SLC4A7: variants seen among roughly 807,000 people sequenced by gnomAD.
SLC4A7 encodes the protein solute carrier family 4 member 7.
In SLC4A7, 51 loss-of-function variants were observed where a neutral mutation model predicts 137.6. The observed-to-expected ratio is 0.37, with a 90% CI of 0.30 to 0.47. The LOEUF is 0.47. Among genes scored for constraint, SLC4A7 ranks in the 20% least tolerant of loss-of-function variants. The pLI is 1.00. For synonymous variants in SLC4A7, 542 were observed against 518.6 expected (o/e 1.05, Z -0.61); for missense variants, 1,247 against 1,525.4 (o/e 0.82, Z 3.04).
chr3:27,405,483 A>G (rs1482333119), intron 13 of SLC4A7, among the ~76,000 whole-genome samples: 3 of 152,170 alleles, frequency 2.0e-5, no homozygotes, highest in South Asian at 2.1e-4. Flanking sequence ...TATATGTTTT[A>G]TTTCTTAAGT....
chr3:27,381,408 T>C (rs1349872730), intron 24 of SLC4A7, among the ~76,000 whole-genome samples: 1 of 152,222 alleles, frequency 6.6e-6, no homozygotes, highest in East Asian at 1.9e-4. Context: ...AGCTAATATA[T>C]TAAATCTTTT....
chr3:27,436,668 G>T, intron 4 of SLC4A7, 120 bp from the exon 5 acceptor site: 1 of 651,544 alleles, frequency 1.5e-6, no homozygotes, highest in African/African-American at 1.9e-5. Context: ...AGAAAACCAC[G>T]ACCAAACACG....
chr3:27,480,523 C>T (rs1032462281), intron 1 of SLC4A7, among the ~76,000 whole-genome samples: 2 of 152,208 alleles, frequency 1.3e-5, no homozygotes, highest in African/African-American at 4.8e-5. Flanking sequence ...AGCCACAGCA[C>T]CTAGCCTTGT....
intron 8 of SLC4A7, chr3:27,422,758 T>A (rs1350194328): frequency 2.2e-6 from 1 of 455,798 alleles, no homozygotes; most frequent in Admixed American, 2.4e-5. Context: ...GGGCTATCTA[T>A]GAAAAGTAAA....
chr3:27,409,275 G>A, intron 13 of SLC4A7, 81 bp downstream of exon 13: 1 of 1,111,650 alleles, frequency 9.0e-7, no homozygotes, highest in Non-Finnish European at 1.3e-6. Flanking sequence ...TCAAATAAAA[G>A]TATGAATAGT....
At chr3:27,432,564 A>G (rs1440944018) in intron 6 of SLC4A7, among the ~76,000 whole-genome samples, 1 of 152,218 alleles carries the variant, frequency 6.6e-6, no homozygotes, top group Non-Finnish European at 1.5e-5. Flanking sequence ...ATGCAAATAC[A>G]ATATTCAATT....
chr3:27,456,691 T>C lies in SLC4A7; in HGVS notation c.61-4193A>G, dbSNP rs752854128. ...CAGACGAAATCTTTCCATAGTAATA[T>C]AGAAATGCCTTGTTTCTGATGATGT... is the stretch of plus-strand genomic sequence containing the variant. On this transcript the variant is annotated intron_variant, in intron 1 of 25. Transcript: ENST00000454389. The C allele has an allele frequency of 1.5e-5, 24 of 1,611,332 alleles. 1 individual carries two copies. Among genetic ancestry groups the C allele is most frequent in the African/African-American group, 6.7e-5 (5 of 74,836 alleles).
At chr3:27,452,528 G>C (rs1401968764) in intron 1 of SLC4A7, 30 bp from the exon 2 acceptor site, 1 of 1,483,972 alleles carries the variant, frequency 6.7e-7, no homozygotes, top group African/African-American at 1.4e-5. Context: ...ATTGACTCAT[G>C]AGATCACAAT....
chr3:27,381,738 C>T (rs1316790496), intron 24 of SLC4A7, among the ~76,000 whole-genome samples: 1 of 151,956 alleles, frequency 6.6e-6, no homozygotes, highest in Non-Finnish European at 1.5e-5. Flanking sequence ...GGAAAGAAAC[C>T]TGTATATTTT....
At chr3:27,416,858 C>T (rs977056359) in intron 11 of SLC4A7, among the ~76,000 whole-genome samples, 2 of 152,138 alleles carry the variant, frequency 1.3e-5, no homozygotes, top group Admixed American at 1.3e-4. Context: ...GAGAGACACT[C>T]CATGTTTTTG....
intron 2 of SLC4A7, 27 bp from the exon 3 acceptor site, chr3:27,448,824 C>T (rs1481667374): frequency 2.6e-6 from 4 of 1,533,322 alleles, no homozygotes; most frequent in Non-Finnish European, 3.5e-6. Context: ...AAACATATTA[C>T]TAGCTTTCCA....
At chr3:27,390,847 A>C (rs1174734613) in intron 21 of SLC4A7, among the ~76,000 whole-genome samples, 1 of 152,098 alleles carries the variant, frequency 6.6e-6, no homozygotes, top group African/African-American at 2.4e-5. Context: ...TTTTTGAGAC[A>C]GGGTCTCACT....
At chr3:27,410,157 G>A (rs2053766070) in intron 12 of SLC4A7, among the ~76,000 whole-genome samples, 1 of 152,144 alleles carries the variant, frequency 6.6e-6, no homozygotes, top group Admixed American at 6.5e-5. Flanking sequence ...GTTTCAATTA[G>A]TAGATTAAAA....
At chr3:27,400,984 G>A in intron 15 of SLC4A7, 115 bp from the exon 16 acceptor site, 1 of 587,738 alleles carries the variant, frequency 1.7e-6, no homozygotes, top group Non-Finnish European at 3.0e-6. Flanking sequence ...ACATTGAGAA[G>A]CATGGAGACT....
At chr3:27,453,414 G>C (rs1045729900) in intron 1 of SLC4A7, among the ~76,000 whole-genome samples, 2 of 152,126 alleles carry the variant, frequency 1.3e-5, no homozygotes, top group African/African-American at 4.8e-5. Context: ...CGGAGTTCGA[G>C]ACCAGCCTGA....
At chr3:27,457,272 T>C (rs1302164298) in intron 1 of SLC4A7, among the ~76,000 whole-genome samples, 1 of 152,126 alleles carries the variant, frequency 6.6e-6, no homozygotes, top group African/African-American at 2.4e-5. Context: ...CATTACATGT[T>C]AATATACATA....
intron 3 of SLC4A7, among the ~76,000 whole-genome samples, chr3:27,440,375 G>C (rs2057093048): frequency 6.6e-6 from 1 of 152,002 alleles, no homozygotes; most frequent in African/African-American, 2.4e-5. Context: ...CTCTTACTAA[G>C]GATCCCTATG....
At chr3:27,429,251 C>T (rs894678774) in intron 7 of SLC4A7, among the ~76,000 whole-genome samples, 1 of 151,678 alleles carries the variant, frequency 6.6e-6, no homozygotes, top group Non-Finnish European at 1.5e-5. Context: ...GGCGACAAAG[C>T]GAGACTCTCC....
rs2054625579 is a variant in SLC4A7 at position 27,418,641 on chromosome 3, A to G, written c.1513-9T>C. ...GCTACATCATGGAAAATCTAAGTGA[A>G]AAAAATATTGAGTAAAAGATTTTAA... On this transcript the variant is annotated splice_polypyrimidine_tract_variant and intron_variant, in intron 10 of 25. Coordinates refer to ENST00000454389, the MANE Select transcript of SLC4A7 (RefSeq NM_001321103.2). 1 of 1,543,776 alleles carries G rather than the reference A, an allele frequency of 6.5e-7. No homozygotes were observed. The highest frequency in any genetic ancestry group is 8.9e-7 in the Non-Finnish European group (1 of 1,128,506).
Sources: allele counts gnomAD v4.1 joint callset (sites outside exome capture counted in the v4.1 genomes callset), GRCh38; gene constraint gnomAD v4.1.1; transcripts MANE v1.5; gene names NCBI Gene and HGNC (gene_info 2026-07-23, HGNC 2026-07-21).